The following PELI1 variants were observed in gnomAD, a reference collection of about 807,000 sequenced individuals.
PELI1 encodes pellino E3 ubiquitin protein ligase 1.
In PELI1, 15 loss-of-function variants were observed where a neutral mutation model predicts 41.3. That is an observed-to-expected ratio of 0.36 (90% confidence interval 0.24 to 0.56). The LOEUF (loss-of-function observed/expected upper bound fraction) is 0.56, where lower values mean the gene tolerates loss of function less well. PELI1 is among the 20% of genes least tolerant of loss of function. The pLI, the probability that PELI1 is intolerant of heterozygous loss-of-function variation, is 0.82. For missense variants in PELI1, 403 were observed against 525.5 expected, an observed-to-expected ratio of 0.77 and a Z score of 2.28; for synonymous variants, 178 against 180.1, an observed-to-expected ratio of 0.99 and a Z score of 0.09.
intron 1 of PELI1, among the ~76,000 whole-genome samples, chr2:64,112,584 G>T (rs1451747872): frequency 6.6e-6 from 1 of 152,118 alleles, no homozygotes; most frequent in Non-Finnish European, 1.5e-5. Context: ...CTCTTAGAAG[G>T]CCTTATCTGG....
At chr2:64,099,165 T>TACACACACACACACAC (rs70965174) in intron 4 of PELI1, among the ~76,000 whole-genome samples, 6 of 144,894 alleles carry the variant, frequency 4.1e-5, no homozygotes, top group South Asian at 2.2e-4. Context: ...ATCTTGGAGA[T>TACACACACACACACAC]ACACACACAC....
chr2:64,110,121 G>A (rs1247971506), intron 1 of PELI1, among the ~76,000 whole-genome samples: 4 of 152,002 alleles, frequency 2.6e-5, no homozygotes, highest in East Asian at 1.9e-4. Flanking sequence ...GGTGTGCCTT[G>A]TAGTCCTAGC....
chr2:64,122,736 T>C (rs1368933906), intron 1 of PELI1, among the ~76,000 whole-genome samples: 1 of 152,222 alleles, frequency 6.6e-6, no homozygotes, highest in Non-Finnish European at 1.5e-5. Context: ...GCCCAGTTTT[T>C]TACTTGTCAA....
intron 1 of PELI1, among the ~76,000 whole-genome samples, chr2:64,114,223 A>G (rs1553356588): frequency 6.6e-6 from 1 of 152,206 alleles, no homozygotes; most frequent in South Asian, 2.1e-4. Context: ...CTTGTGGCTG[A>G]TTTCAAAAGG....
At chr2:64,143,193 T>C (rs1481382060) in intron 1 of PELI1, 1 of 152,214 alleles carries the variant, frequency 6.6e-6, no homozygotes, top group African/African-American at 2.4e-5. Flanking sequence ...TAAAAGTAGA[T>C]GGTGACGTGA....
At chr2:64,127,472 C>T (rs1301317873) in intron 1 of PELI1, among the ~76,000 whole-genome samples, 1 of 152,140 alleles carries the variant, frequency 6.6e-6, no homozygotes, top group Non-Finnish European at 1.5e-5. Flanking sequence ...GTTTTTCAAA[C>T]AATGTTGAGT....
intron 3 of PELI1, among the ~76,000 whole-genome samples, chr2:64,103,551 C>T (rs1680517507): frequency 6.6e-6 from 1 of 152,156 alleles, no homozygotes; most frequent in South Asian, 2.1e-4. Context: ...TTACTTCCAC[C>T]ACCTGCTTAG....
intron 1 of PELI1, among the ~76,000 whole-genome samples, chr2:64,131,173 A>G (rs1488280729): frequency 6.6e-6 from 1 of 152,084 alleles, no homozygotes; most frequent in Admixed American, 6.5e-5. Context: ...CTAGCTATCA[A>G]CAAATTTCAT....
At chr2:64,126,813 A>C (rs1681404737) in intron 1 of PELI1, among the ~76,000 whole-genome samples, 1 of 152,150 alleles carries the variant, frequency 6.6e-6, no homozygotes, top group African/African-American at 2.4e-5. Context: ...GTGAAAAAAA[A>C]AAACCAGTTT....
chr2:64,105,663 A>G (rs529162009), intron 2 of PELI1, among the ~76,000 whole-genome samples: 98 of 152,346 alleles, frequency 6.4e-4, no homozygotes, highest in Non-Finnish European at 1.1e-3. Flanking sequence ...GAAGAATTAT[A>G]TTCTGAAGTG....
intron 2 of PELI1, among the ~76,000 whole-genome samples, chr2:64,105,350 G>A (rs1680584724): frequency 6.6e-6 from 1 of 152,124 alleles, no homozygotes; most frequent in Non-Finnish European, 1.5e-5. Context: ...CATTATGTTA[G>A]CAGAACCTGT....
chr2:64,140,291 T>C (rs1183055868), intron 1 of PELI1, among the ~76,000 whole-genome samples: 1 of 152,210 alleles, frequency 6.6e-6, no homozygotes, highest in African/African-American at 2.4e-5. Flanking sequence ...ATGTCAGGAT[T>C]TTCCCATTTA....
intron 4 of PELI1, 47 bp from the exon 5 acceptor site, chr2:64,096,657 T>C (rs762979418): frequency 1.6e-6 from 2 of 1,288,580 alleles, no homozygotes; most frequent in Non-Finnish European, 2.2e-6. Flanking sequence ...AAGAGCACAG[T>C]GGAAAATCCA....
chr2:64,122,240 A>G (rs1681243702), intron 1 of PELI1, among the ~76,000 whole-genome samples: 1 of 151,598 alleles, frequency 6.6e-6, no homozygotes, highest in African/African-American at 2.4e-5. Context: ...CTTGGCTTAC[A>G]AAAGTCTTAA....
chr2:64,135,425 C>T (rs1436189904), intron 1 of PELI1, among the ~76,000 whole-genome samples: 1 of 152,064 alleles, frequency 6.6e-6, no homozygotes, highest in Non-Finnish European at 1.5e-5. Context: ...AAGTATGGCA[C>T]AAATAGGAAA....
intron 1 of PELI1, among the ~76,000 whole-genome samples, chr2:64,129,601 TTTC>T (rs1290635470): frequency 6.6e-6 from 1 of 152,200 alleles, no homozygotes; most frequent in Non-Finnish European, 1.5e-5. Flanking sequence ...AGATATATTA[TTTC>T]TTTTTTTGTG....
chr2:64,108,393 G>A lies in PELI1; in HGVS notation c.-69-14C>T. 5 of 802,674 alleles carry A rather than the reference G, an allele frequency of 6.2e-6. No individual in the cohort carries two copies. Among genetic ancestry groups the A allele is most frequent in the Non-Finnish European group, 1.1e-5 (5 of 461,960 alleles). 49.7% of individuals were successfully genotyped at this position (802,674 alleles called of 1,614,324 possible). ...TTGCATTATTTCCTAGAGGGGAAAA[G>A]TTTTCATTAATAATGTGAACAATTC... On this transcript the variant is annotated splice_polypyrimidine_tract_variant and intron_variant, in intron 1 of 6. Coordinates refer to ENST00000358912, the MANE Select transcript of PELI1 (RefSeq NM_020651.4).
chr2:64,118,063 C>T (rs1041269414), intron 1 of PELI1, among the ~76,000 whole-genome samples: 2 of 152,150 alleles, frequency 1.3e-5, no homozygotes, highest in African/African-American at 2.4e-5. Context: ...CCCAACTCGG[C>T]CTCCCAAAGT....
intron 1 of PELI1, among the ~76,000 whole-genome samples, chr2:64,132,007 G>A (rs1681573324): frequency 6.6e-6 from 1 of 152,156 alleles, no homozygotes; most frequent in Non-Finnish European, 1.5e-5. Context: ...TAAGTTTGAA[G>A]AATTTTAGTT....
Sources: gnomAD v4.1 joint callset for allele counts (sites outside exome capture counted in the v4.1 genomes callset) on GRCh38, gnomAD v4.1.1 for gene constraint, MANE v1.5 for transcripts, NCBI Gene and HGNC (gene_info 2026-07-23, HGNC 2026-07-21) for gene names.